Variants in ATAD2 observed in about 807,000 individuals in gnomAD.
ATAD2 encodes ATPase family AAA domain containing 2.
ATAD2 carries 62 observed loss-of-function variants against 168.9 expected under a neutral mutation model. That is an observed-to-expected ratio of 0.37 (90% CI 0.30 to 0.45). ATAD2 has a LOEUF of 0.45. Ranked by LOEUF, ATAD2 falls within the 20% of genes least tolerant of loss-of-function variation. ATAD2 has a pLI of 1.00. For missense variants in ATAD2, 1,419 were observed against 1,667.8 expected (o/e 0.85, Z 2.60); for synonymous variants, 613 against 571.6 (o/e 1.07, Z -1.03).
intron 21 of ATAD2, among the ~76,000 whole-genome samples, chr8:123,336,831 C>T (rs973700693): frequency 1.1e-4 from 17 of 151,986 alleles, no homozygotes; most frequent in African/African-American, 3.4e-4. Context: ...CAACTTAAGA[C>T]GTGGCTCTCC....
At chr8:123,387,051 T>A (rs1192692122) in intron 1 of ATAD2, among the ~76,000 whole-genome samples, 1 of 151,898 alleles carries the variant, frequency 6.6e-6, no homozygotes, top group African/African-American at 2.4e-5. Context: ...ACTGGAAAAA[T>A]GAAAATGTCA....
At position 123,347,161 on chromosome 8, in the gene ATAD2, T is replaced by C. The variant is rs1402723225; in HGVS notation, c.2143A>G (p.Lys715Glu). The C allele has an allele frequency of 1.2e-6, 2 of 1,614,220 alleles. No individual in the cohort carries two copies. The highest frequency in any genetic ancestry group is 1.7e-5 in the Admixed American group (1 of 60,014). Reference protein sequence around the residue: ...VKPLLQNTVDKILEALQRVFP... With the variant: ...VKPLLQNTVDEILEALQRVFP... ...ACTCTCTGCAGGGCTTCTAAAATCT[T>C]GTCAACAGTGTTTTGCAGGAGTGGT... is the stretch of plus-strand genomic sequence containing the variant. Residue 715 changes from lysine to glutamate, a missense_variant, in exon 16 of 28, where the codon AAG (lysine) becomes GAG (glutamate). This residue lies in a region of ATAD2 where 545 missense variants were observed against 724.9 expected (regional missense o/e 0.75). Coordinates refer to ENST00000287394, the MANE Select transcript of ATAD2 (RefSeq NM_014109.4).
In ATAD2 at chr8:123,347,136, A is replaced by T; in HGVS notation, c.2168T>A (p.Val723Glu). 6.2e-7 allele frequency: 1 copy of T among 1,613,996 alleles called. No homozygotes were observed. The highest frequency in any genetic ancestry group is 8.5e-7 in the Non-Finnish European group (1 of 1,179,932). The change falls in exon 16 of 28, where the codon GTA (valine) becomes GAA (glutamate). Residue 723 changes from valine (V) to glutamate (E), a missense_variant. Physicochemically the swap from Val to Glu is moderately radical, Grantham distance 121 (BLOSUM62 -2). Coordinates refer to ENST00000287394, the MANE Select transcript of ATAD2 (RefSeq NM_014109.4). ...TGTTCTGAATTCTGCATGTGGAAAT[A>T]CTCTCTGCAGGGCTTCTAAAATCTT... ...VDKILEALQR[V>E]FPHAEFRTNK... is the part of the protein sequence containing the mutation.
intron 1 of ATAD2, 62 bp downstream of exon 1, chr8:123,396,125 G>A: frequency 4.1e-6 from 6 of 1,475,088 alleles, no homozygotes; most frequent in East Asian, 2.6e-5. Flanking sequence ...CCCTCCGAGC[G>A]CCGGGCTGCC....
At chr8:123,408,294 G>A (rs1228577896) in intron 1 of ATAD2, among the ~76,000 whole-genome samples, 1 of 152,162 alleles carries the variant, frequency 6.6e-6, no homozygotes, top group Non-Finnish European at 1.5e-5. Flanking sequence ...GCCTCCTTCT[G>A]TGGAAATCCT....
chr8:123,395,345 GCTTTAA>G (rs1332778096), intron 1 of ATAD2, among the ~76,000 whole-genome samples: 1 of 152,150 alleles, frequency 6.6e-6, no homozygotes, highest in African/African-American at 2.4e-5. Flanking sequence ...TAACTGCTCA[GCTTTAA>G]CTCTGCCCTG....
chr8:123,326,637 C>T (rs985400511), intron 25 of ATAD2, among the ~76,000 whole-genome samples: 1 of 152,048 alleles, frequency 6.6e-6, no homozygotes, highest in Admixed American at 6.5e-5. Flanking sequence ...GAGATCATGC[C>T]ACTGAAATCC....
chr8:123,389,935 A>G lies in ATAD2; in HGVS notation c.171+6252T>C, dbSNP rs1327874197. Among the ~76,000 whole-genome samples the G allele has an allele frequency of 7.1e-5, 10 of 140,574 alleles. 1 individual carries two copies. The highest frequency in any genetic ancestry group is 1.5e-4 in the Admixed American group (2 of 13,246). 92.2% of individuals were successfully genotyped at this position (140,574 alleles called of 152,430 possible). A position where few individuals can be genotyped will look rare whatever the true frequency, so the allele number is the denominator to read the frequency against. ...ATGCCTGGTACACAGCAACTGCTATATAAGTGGTAGCTATTACTATTATTT... is the reference window on the plus strand; with the variant it reads ...ATGCCTGGTACACAGCAACTGCTATGTAAGTGGTAGCTATTACTATTATTT... On this transcript the variant is annotated intron_variant, in intron 1 of 27. Transcript: ENST00000287394.
chr8:123,366,516 G>A (rs1828984401), intron 8 of ATAD2, among the ~76,000 whole-genome samples: 1 of 152,174 alleles, frequency 6.6e-6, no homozygotes, highest in Admixed American at 6.5e-5. Context: ...CAACCCAAAT[G>A]TCCATCAATT....
intron 14 of ATAD2, among the ~76,000 whole-genome samples, 169 bp downstream of exon 14, chr8:123,349,116 T>C (rs1230320063): frequency 6.6e-6 from 1 of 152,226 alleles, no homozygotes; most frequent in African/African-American, 2.4e-5. Flanking sequence ...GAAGGCATTA[T>C]TATATTTAAA....
At chr8:123,390,871 T>C (rs890494210) in intron 1 of ATAD2, among the ~76,000 whole-genome samples, 1 of 152,090 alleles carries the variant, frequency 6.6e-6, no homozygotes, top group African/African-American at 2.4e-5. Context: ...TAGCTGGGCA[T>C]GGTGGCAGGC....
chr8:123,393,045 G>T (rs748762912), intron 1 of ATAD2, among the ~76,000 whole-genome samples: 13 of 152,024 alleles, frequency 8.6e-5, no homozygotes, highest in Non-Finnish European at 1.8e-4. Flanking sequence ...TTAGCCAGGC[G>T]TGTTGGCGGG....
In ATAD2 at chr8:123,333,937, T is replaced by G. The variant is rs1827846428; in HGVS notation, c.3419A>C (p.Asp1140Ala). 4.3e-6 allele frequency: 7 copies of G among 1,614,118 alleles called. No homozygotes were observed. The change falls in exon 24 of 28, where the codon GAC (aspartate) becomes GCC (alanine). Residue 1140 changes from aspartate (D) to alanine (A), a missense_variant. Physicochemically the swap from Asp to Ala is moderately radical, Grantham distance 126. Coordinates refer to ENST00000287394, the MANE Select transcript of ATAD2 (RefSeq NM_014109.4). ...CTTTAGCTTTTCATTCTGCTCTGGG[T>G]CTGATCTTTTATCACCAACAAGAGT... ...NSTLVGDKRS[D>A]PEQNEKLKTP...
At chr8:123,373,675 G>T (rs1175833155) in intron 2 of ATAD2, among the ~76,000 whole-genome samples, 1 of 150,906 alleles carries the variant, frequency 6.6e-6, no homozygotes, top group Non-Finnish European at 1.5e-5. Flanking sequence ...TGTAGTCCCA[G>T]ATACTCAGAA....
At chr8:123,373,006 C>A (rs935965695) in intron 2 of ATAD2, among the ~76,000 whole-genome samples, 2 of 151,870 alleles carry the variant, frequency 1.3e-5, no homozygotes, top group African/African-American at 4.8e-5. Flanking sequence ...CATTCTCCTG[C>A]CTCAGCTTCC....
intron 1 of ATAD2, among the ~76,000 whole-genome samples, chr8:123,381,994 A>G (rs1416527658): frequency 6.6e-6 from 1 of 151,826 alleles, no homozygotes; most frequent in Non-Finnish European, 1.5e-5. Flanking sequence ...TGCAGTGAGC[A>G]GAGATCGTGC....
chr8:123,359,276 C>T lies in ATAD2; in HGVS notation c.1327G>A (p.Val443Met), dbSNP rs188107739. The T allele has an allele frequency of 6.2e-7, 1 of 1,612,836 alleles. No individual in the cohort carries two copies. The highest frequency in any genetic ancestry group is 8.5e-7 in the Non-Finnish European group (1 of 1,179,524). ...ACTTCTGGATAAAGTAATGGAAACACCACCATCTCTTTTAGAGCTGCTATA... is the reference window on the plus strand; with the variant it reads ...ACTTCTGGATAAAGTAATGGAAACATCACCATCTCTTTTAGAGCTGCTATA... ...NHIAALKEMV[V>M]FPLLYPEVFE... Residue 443 changes from valine to methionine, a missense_variant, in exon 11 of 28, where the codon GTG becomes ATG. By Grantham distance (21) the Val-to-Met change is conservative (BLOSUM62 1). Coordinates refer to ENST00000287394, the MANE Select transcript of ATAD2 (RefSeq NM_014109.4).
intron 1 of ATAD2, among the ~76,000 whole-genome samples, chr8:123,409,090 T>G (rs1346187638): frequency 6.6e-6 from 1 of 152,170 alleles, no homozygotes; most frequent in Non-Finnish European, 1.5e-5. Context: ...CCCCTCAAAG[T>G]GCTGGGGTTA....
At chr8:123,405,063 A>T (rs1813052154) in intron 1 of ATAD2, among the ~76,000 whole-genome samples, 1 of 152,170 alleles carries the variant, frequency 6.6e-6, no homozygotes, top group South Asian at 2.1e-4. Context: ...ATGGCCAGAG[A>T]GTAAATATTC....
Sources: gnomAD v4.1 joint callset for allele counts (sites outside exome capture counted in the v4.1 genomes callset) on GRCh38, gnomAD v4.1.1 for gene constraint, gnomAD v4.1.1 regional missense constraint, MANE v1.5 for transcripts, NCBI Gene and HGNC (gene_info 2026-07-23, HGNC 2026-07-21) for gene names.